Variants in STARD10 observed in about 807,000 individuals in gnomAD.
The protein encoded by STARD10 is StAR related lipid transfer domain containing 10.
STARD10 carries 24 observed loss-of-function variants against 36.0 expected under a neutral mutation model. The observed-to-expected ratio is 0.67, with a 90% CI of 0.48 to 0.94. STARD10 has a LOEUF of 0.94. STARD10 is among the 40% of genes least tolerant of loss of function. STARD10 has a pLI of 0.00. For synonymous variants in STARD10, 156 were observed against 161.9 expected (o/e 0.96, Z 0.28); for missense variants, 335 against 396.6 (o/e 0.84, Z 1.32).
intron 2 of STARD10, among the ~76,000 whole-genome samples, chr11:72,763,400 A>G (rs1028061127): frequency 1.3e-5 from 2 of 152,226 alleles, no homozygotes; most frequent in Non-Finnish European, 2.9e-5. Context: ...GAAGCCTGGC[A>G]AATAGCACCT....
In STARD10 at chr11:72,755,014, C is replaced by G. The variant is rs895513563; in HGVS notation, c.759G>C (p.Ser253=). Residue 253 remains serine, a synonymous_variant, in exon 7 of 7, where the codon TCG becomes TCC. Coordinates refer to ENST00000334805, the MANE Select transcript of STARD10 (RefSeq NM_006645.3). ...TCTCCAGTGAGTCCGCATGCTGCAC[C>G]GACAGCTCCGACAGCGCCAGGCTCG... ...PLPSLALSEL[S]VQHADSLENI... is the part of the protein sequence containing the mutation. 1.9e-6 allele frequency: 3 copies of G among 1,612,804 alleles called. No homozygotes were observed. Among genetic ancestry groups the G allele is most frequent in the Non-Finnish European group, 2.5e-6 (3 of 1,179,664 alleles).
intron 2 of STARD10, chr11:72,780,637 G>C (rs1365245012): frequency 4.9e-6 from 2 of 404,464 alleles, no homozygotes; most frequent in African/African-American, 2.0e-5. Flanking sequence ...TCAGGAACCA[G>C]GTGCAGGCTT....
intron 6 of STARD10, 70 bp downstream of exon 6, chr11:72,755,631 C>T: frequency 6.4e-7 from 1 of 1,571,856 alleles, no homozygotes. Context: ...AGGCTTGACT[C>T]CACCCACCTC....
chr11:72,754,995 G>T lies in STARD10; in HGVS notation c.778C>A (p.Leu260Met). ...SELSVQHADS[L>M]ENIDESAVAE... ...ACCGCGCTCTCGTCGATGTTCTCCA[G>T]TGAGTCCGCATGCTGCACCGACAGC... Residue 260 changes from leucine (L) to methionine (M), a missense_variant, in exon 7 of 7, where the codon CTG (leucine) becomes ATG (methionine). Transcript: ENST00000334805. The T allele has an allele frequency of 6.2e-7, 1 of 1,612,978 alleles. No individual in the cohort carries two copies. Among genetic ancestry groups the T allele is most frequent in the Non-Finnish European group, 8.5e-7 (1 of 1,179,746 alleles).
chr11:72,792,216 A>AT (rs745953478), intron 1 of STARD10, among the ~76,000 whole-genome samples: 2,565 of 145,874 alleles, frequency 0.018, 66 homozygotes, highest in African/African-American at 0.055. Context: ...CGCCCGGTTA[A>AT]TTTTTTTTTT....
chr11:72,769,992 T>C (rs1858836972), intron 2 of STARD10, among the ~76,000 whole-genome samples: 1 of 152,158 alleles, frequency 6.6e-6, no homozygotes, highest in Non-Finnish European at 1.5e-5. Flanking sequence ...TATGAGAAAC[T>C]TCTACAGAGC....
At chr11:72,767,148 G>A (rs1858802730) in intron 2 of STARD10, among the ~76,000 whole-genome samples, 1 of 152,110 alleles carries the variant, frequency 6.6e-6, no homozygotes, top group Admixed American at 6.5e-5. Context: ...TTCCTGATGG[G>A]GTGGGGCACA....
chr11:72,774,809 C>A (rs1858909636), intron 2 of STARD10, among the ~76,000 whole-genome samples: 1 of 152,286 alleles, frequency 6.6e-6, no homozygotes, highest in African/African-American at 2.4e-5. Context: ...GGGGTCACGG[C>A]ATCCACAGCC....
intron 2 of STARD10, among the ~76,000 whole-genome samples, chr11:72,771,558 T>C (rs1858857229): frequency 6.6e-6 from 1 of 152,112 alleles, no homozygotes; most frequent in Non-Finnish European, 1.5e-5. Flanking sequence ...TGTTACCATG[T>C]CTCACCCAGA....
intron 2 of STARD10, chr11:72,780,004 C>A: frequency 3.5e-6 from 1 of 286,764 alleles, no homozygotes. Flanking sequence ...TCCACATTTC[C>A]AGGAGGATAG....
intron 1 of STARD10, among the ~76,000 whole-genome samples, chr11:72,786,750 A>G (rs10898874): frequency 0.33 from 50,291 of 151,962 alleles, 8,574 homozygotes; most frequent in Middle Eastern, 0.4. Context: ...CACACATGGC[A>G]CCAAAGTGGA....
chr11:72,766,446 A>C (rs1336880054), intron 2 of STARD10, among the ~76,000 whole-genome samples: 1 of 152,162 alleles, frequency 6.6e-6, no homozygotes, highest in Non-Finnish European at 1.5e-5. Flanking sequence ...AATGCACATG[A>C]ACTGCATGGT....
rs776933220 is a variant in STARD10 at position 72,754,923 on chromosome 11, T to TGCCCTCGCC, written c.841_849dup (p.Gly281_Gly283dup). 5 of 1,601,214 alleles carry TGCCCTCGCC rather than the reference T, an allele frequency of 3.1e-6. No individual in the cohort carries two copies. Among genetic ancestry groups the TGCCCTCGCC allele is most frequent in the East Asian group, 4.5e-5 (2 of 44,666 alleles). On this transcript the variant is annotated inframe_insertion, in exon 7 of 7. Transcript: ENST00000334805. Reference sequence around the variant, plus strand: ...CAGGTGAGCGAGGTGTCGTCGTCGCTGCCCTCGCCGCCCGCGCCGCCCATC... The same window carrying TGCCCTCGCC: ...CAGGTGAGCGAGGTGTCGTCGTCGCTGCCCTCGCCGCCCTCGCCGCCCGCGCCGCCCATC...
intron 2 of STARD10, among the ~76,000 whole-genome samples, chr11:72,774,572 G>C (rs1858906360): frequency 6.6e-6 from 1 of 152,346 alleles, no homozygotes; most frequent in East Asian, 1.9e-4. Flanking sequence ...GAGGGGTGGG[G>C]CTGTCTCAAG....
intron 2 of STARD10, among the ~76,000 whole-genome samples, chr11:72,759,671 AT>A (rs1487015314): frequency 6.6e-6 from 1 of 151,884 alleles, no homozygotes; most frequent in Non-Finnish European, 1.5e-5. Flanking sequence ...CTCCCACACA[AT>A]GCATCTCTAT....
intron 2 of STARD10, among the ~76,000 whole-genome samples, chr11:72,779,822 T>A (rs1225305921): frequency 6.6e-6 from 1 of 152,044 alleles, no homozygotes; most frequent in Non-Finnish European, 1.5e-5. Flanking sequence ...GAAAAGCAGA[T>A]AATCGTGTGG....
intron 2 of STARD10, 77 bp downstream of exon 2, chr11:72,780,898 G>A: frequency 2.1e-6 from 3 of 1,462,020 alleles, no homozygotes; most frequent in East Asian, 2.3e-5. Flanking sequence ...TGTCTAGCCC[G>A]GAGAGAGGAC....
At chr11:72,780,930 C>CAG in intron 2 of STARD10, 45 bp downstream of exon 2, 5 of 1,589,474 alleles carry the variant, frequency 3.1e-6, no homozygotes, top group African/African-American at 1.3e-5. Context: ...GGGAGAGAGG[C>CAG]AGTAAGGGTG....
intron 2 of STARD10, among the ~76,000 whole-genome samples, chr11:72,778,128 C>T (rs771132131): frequency 1.1e-4 from 17 of 152,224 alleles, no homozygotes; most frequent in Non-Finnish European, 2.1e-4. Context: ...GAGAACAACG[C>T]GTCCTCCAGG....
Sources: allele counts gnomAD v4.1 joint callset (sites outside exome capture counted in the v4.1 genomes callset), GRCh38; gene constraint gnomAD v4.1.1; transcripts MANE v1.5; gene names NCBI Gene and HGNC (gene_info 2026-07-23, HGNC 2026-07-21).